Variants in LRMDA observed in about 807,000 individuals in gnomAD.
LRMDA encodes leucine-rich melanocyte differentiation-associated protein.
Under a neutral mutation model 29.8 loss-of-function variants are expected in LRMDA, and 18 were observed. The ratio of observed to expected loss-of-function variants is 0.60; its 90% CI spans 0.42 to 0.90. The LOEUF (loss-of-function observed/expected upper bound fraction) is 0.90, where lower values mean the gene tolerates loss of function less well. LRMDA is among the 40% of genes least tolerant of loss of function. LRMDA has a pLI of 0.00. For missense variants in LRMDA, 273 were observed against 273.9 expected (o/e 1.00, Z 0.02); for synonymous variants, 125 against 109.4 (o/e 1.14, Z -0.89).
In LRMDA at chr10:75,563,866, C is replaced by T. The variant is rs1374042156; in HGVS notation, c.131+125372C>T. ...AGCGGATTTTCGTGAACTGCGAATG[C>T]TGCTGTCTGATCGTTCCTCTGGAAG... is the stretch of plus-strand genomic sequence containing the variant. On this transcript the variant is annotated intron_variant, in intron 2 of 6. Coordinates refer to ENST00000611255, the MANE Select transcript of LRMDA (RefSeq NM_001305581.2). 5.3e-5 allele frequency among the ~76,000 whole-genome samples: 8 copies of T among 151,650 alleles called. No homozygotes were observed. The East Asian group carries it at 1.4e-3, about 26-fold the overall frequency.
intron 2 of LRMDA, among the ~76,000 whole-genome samples, chr10:75,778,337 C>A (rs1486418681): frequency 6.6e-6 from 1 of 152,178 alleles, no homozygotes; most frequent in African/African-American, 2.4e-5. Context: ...CTCATCCTCC[C>A]AAAGTGCTGG....
chr10:76,364,244 G>C (rs138065413), intron 6 of LRMDA, among the ~76,000 whole-genome samples: 59 of 152,172 alleles, frequency 3.9e-4, no homozygotes, highest in Admixed American at 1.4e-3. Flanking sequence ...GAAAAATTTC[G>C]CTGAGTTGAT....
At position 76,047,188 on chromosome 10, in the gene LRMDA, G is replaced by T. The variant is rs1304965136; in HGVS notation, c.283G>T (p.Asp95Tyr). 1 of 1,614,036 alleles carries T rather than the reference G, an allele frequency of 6.2e-7. No individual in the cohort carries two copies. Among genetic ancestry groups the T allele is most frequent in the Non-Finnish European group, 8.5e-7 (1 of 1,179,976 alleles). ...CATCACTGATTTGGAGAACCTGCTG[G>T]ATCACTTGGCAGAAGTGACACCAGC... ...NRITDLENLL[D>Y]HLAEVTPALE... The change falls in exon 4 of 7, where the codon GAT (aspartate) becomes TAT (tyrosine). Residue 95 changes from aspartate (D) to tyrosine (Y), a missense_variant. Physicochemically the swap from Asp to Tyr is radical, Grantham distance 160. Transcript: ENST00000611255.
chr10:76,058,871 G>T, intron 5 of LRMDA, 88 bp downstream of exon 5: 1 of 1,019,772 alleles, frequency 9.8e-7, no homozygotes. Flanking sequence ...TCCTCTGAGT[G>T]TTTAGAATGC....
At chr10:76,283,895 G>A (rs914837577) in intron 5 of LRMDA, among the ~76,000 whole-genome samples, 2 of 152,044 alleles carry the variant, frequency 1.3e-5, no homozygotes, top group African/African-American at 4.8e-5. Flanking sequence ...TGAACTCCTT[G>A]GTTCAAGTGA....
intron 2 of LRMDA, among the ~76,000 whole-genome samples, chr10:75,589,582 C>T (rs1324118731): frequency 1.3e-5 from 2 of 151,900 alleles, no homozygotes; most frequent in Non-Finnish European, 2.9e-5. Context: ...GTGAAACTCC[C>T]ATCTCTACAA....
At position 75,503,917 on chromosome 10, in the gene LRMDA, A is replaced by G. The variant is rs555603748; in HGVS notation, c.131+65423A>G. 1.5e-3 allele frequency among the ~76,000 whole-genome samples: 221 copies of G among 152,230 alleles called. 1 individual carries two copies. Among genetic ancestry groups the G allele is most frequent in the African/African-American group, 5.1e-3 (211 of 41,518 alleles). ...TGTAAGGGTATTTGATTAGCCACAT[A>G]CCAGATAATAAGGGGTATTAATGAA... On this transcript the variant is annotated intron_variant, in intron 2 of 6. Coordinates refer to ENST00000611255, the MANE Select transcript of LRMDA (RefSeq NM_001305581.2).
intron 2 of LRMDA, among the ~76,000 whole-genome samples, chr10:75,804,343 T>G (rs1589212146): frequency 1.3e-5 from 2 of 152,164 alleles, no homozygotes; most frequent in Non-Finnish European, 2.9e-5. Context: ...CTCACCACAT[T>G]GTTCTAGTGC....
intron 5 of LRMDA, among the ~76,000 whole-genome samples, chr10:76,103,377 A>G (rs1425556285): frequency 2.0e-5 from 3 of 152,144 alleles, no homozygotes; most frequent in South Asian, 4.1e-4. Context: ...CCAGTGGGAG[A>G]GTTTCCTCAT....
chr10:75,636,223 A>T (rs1841388483), intron 2 of LRMDA, among the ~76,000 whole-genome samples: 1 of 152,248 alleles, frequency 6.6e-6, no homozygotes, highest in Non-Finnish European at 1.5e-5. Flanking sequence ...CATAAGCTTT[A>T]GATTCAGACC....
rs142099903 is a variant in LRMDA, at chr10:75,435,627, T to C, written c.31-2767T>C. Among the ~76,000 whole-genome samples, 12 of 152,322 alleles carry C rather than the reference T, an allele frequency of 7.9e-5. No individual in the cohort carries two copies. In the East Asian group the frequency reaches 1.7e-3, roughly 22 times the overall value. On this transcript the variant is annotated intron_variant, in intron 1 of 6. Coordinates refer to ENST00000611255, the MANE Select transcript of LRMDA (RefSeq NM_001305581.2). ...AGAACAACTTGTATTTTTCTTAGTCTTCCTGGGATGTTGTATAGTTAAGAC... is the reference window on the plus strand; with the variant it reads ...AGAACAACTTGTATTTTTCTTAGTCCTCCTGGGATGTTGTATAGTTAAGAC...
intron 2 of LRMDA, among the ~76,000 whole-genome samples, chr10:75,711,454 T>G (rs1564546773): frequency 6.6e-6 from 1 of 152,212 alleles, no homozygotes; most frequent in African/African-American, 2.4e-5. Flanking sequence ...ATTCCCTGTT[T>G]TTTTGGAACA....
At chr10:76,117,063 A>C (rs1490416850) in intron 5 of LRMDA, among the ~76,000 whole-genome samples, 1 of 152,092 alleles carries the variant, frequency 6.6e-6, no homozygotes, top group Non-Finnish European at 1.5e-5. Context: ...CTTGATCTCT[A>C]ATGCAGGAGT....
At chr10:75,733,389 A>G (rs1047971404) in intron 2 of LRMDA, among the ~76,000 whole-genome samples, 14 of 152,290 alleles carry the variant, frequency 9.2e-5, no homozygotes, top group African/African-American at 2.6e-4. Flanking sequence ...AGGAGTTCGT[A>G]TGGTTCATAT....
At position 75,753,851 on chromosome 10, in the gene LRMDA, T is replaced by C. The variant is rs569085676; in HGVS notation, c.132-282157T>C. Among the ~76,000 whole-genome samples, 20 of 152,238 alleles carry C rather than the reference T, an allele frequency of 1.3e-4. No individual in the cohort carries two copies. The South Asian group carries it at 3.5e-3, about 27-fold the overall frequency. ...GTCATTGTGGTGGTCATGGGATAGA[T>C]GCGGTGCTACGAACCAGGGAGCAGG... On this transcript the variant is annotated intron_variant, in intron 2 of 6. Transcript: ENST00000611255.
chr10:76,031,119 A>G (rs956900583), intron 2 of LRMDA, among the ~76,000 whole-genome samples: 1 of 152,182 alleles, frequency 6.6e-6, no homozygotes, highest in East Asian at 1.9e-4. Flanking sequence ...AGCAGGGTCT[A>G]TGGTAGCCCT....
chr10:76,256,504 C>T (rs964901130), intron 5 of LRMDA, among the ~76,000 whole-genome samples: 19 of 152,078 alleles, frequency 1.2e-4, no homozygotes, highest in African/African-American at 4.1e-4. Flanking sequence ...TGGTCTGCTC[C>T]AGGTACAGAC....
chr10:76,395,395 T>G (rs1296185717), intron 6 of LRMDA, among the ~76,000 whole-genome samples: 2 of 152,172 alleles, frequency 1.3e-5, no homozygotes, highest in East Asian at 3.9e-4. Context: ...AGCAGACAAT[T>G]GTAGTCATTG....
At chr10:75,981,974 A>G (rs16932757) in intron 2 of LRMDA, among the ~76,000 whole-genome samples, 3,506 of 151,990 alleles carry the variant, frequency 0.023, 97 homozygotes, top group South Asian at 0.057. Context: ...GGGAGTGTTG[A>G]TTTGCCCGAC....
Sources: gnomAD v4.1 joint callset for allele counts (sites outside exome capture counted in the v4.1 genomes callset) on GRCh38, gnomAD v4.1.1 for gene constraint, MANE v1.5 for transcripts, NCBI Gene and HGNC (gene_info 2026-07-23, HGNC 2026-07-21) for gene names.